ANGPT2: variants seen among roughly 807,000 people sequenced by gnomAD.
The protein encoded by ANGPT2 is angiopoietin-2.
Under a neutral mutation model 62.9 loss-of-function variants are expected in ANGPT2, and 28 were observed. The observed-to-expected ratio is 0.44, with a 90% confidence interval of 0.33 to 0.61. ANGPT2 has a LOEUF of 0.61. Ranked by LOEUF, ANGPT2 falls within the 20% of genes least tolerant of loss-of-function variation. The probability of loss-of-function intolerance (pLI) is 0.03; values close to 1 mark genes in which losing one functional copy is unlikely to be tolerated. For missense variants in ANGPT2, 727 were observed against 594.9 expected (o/e 1.22, Z -2.31); for synonymous variants, 284 against 207.8 (o/e 1.37, Z -3.15).
At chr8:6,513,545 G>A in intron 7 of ANGPT2, 133 bp downstream of exon 7, 2 of 581,102 alleles carry the variant, frequency 3.4e-6, no homozygotes, top group Non-Finnish European at 5.5e-6. Flanking sequence ...TTGTTTGCCA[G>A]GATGGTCTCA....
chr8:6,531,214 C>T (rs1324365600), intron 2 of ANGPT2, among the ~76,000 whole-genome samples: 2 of 151,850 alleles, frequency 1.3e-5, no homozygotes, highest in Non-Finnish European at 2.9e-5. Flanking sequence ...CATCATTTAG[C>T]ATGTCTCTCG....
At chr8:6,503,811 G>A (rs1812681388) in intron 8 of ANGPT2, among the ~76,000 whole-genome samples, 1 of 152,206 alleles carries the variant, frequency 6.6e-6, no homozygotes, top group African/African-American at 2.4e-5. Flanking sequence ...CTCAGCTAAA[G>A]CCAGGGCAGG....
chr8:6,546,568 T>A (rs924243914), intron 1 of ANGPT2, among the ~76,000 whole-genome samples: 1 of 152,170 alleles, frequency 6.6e-6, no homozygotes, highest in African/African-American at 2.4e-5. Context: ...TATATGTATA[T>A]TGGTATTTTC....
intron 7 of ANGPT2, among the ~76,000 whole-genome samples, chr8:6,510,549 C>T (rs961929959): frequency 6.6e-5 from 10 of 152,202 alleles, no homozygotes; most frequent in Admixed American, 6.5e-4. Flanking sequence ...CACCTGCATG[C>T]ACACTGGATG....
chr8:6,553,092 G>A (rs768259695), intron 1 of ANGPT2, among the ~76,000 whole-genome samples: 11 of 151,996 alleles, frequency 7.2e-5, no homozygotes, highest in African/African-American at 2.7e-4. Context: ...TGTCAACTGC[G>A]GGCTCTGGGT....
chr8:6,529,491 GC>G (rs1819037487), intron 2 of ANGPT2, among the ~76,000 whole-genome samples: 1 of 138,038 alleles, frequency 7.2e-6, no homozygotes, highest in South Asian at 2.3e-4. Context: ...TCACTCTGTT[GC>G]CCAGGCTGCA....
intron 2 of ANGPT2, among the ~76,000 whole-genome samples, chr8:6,529,772 C>A (rs181557340): frequency 2.0e-5 from 3 of 151,846 alleles, no homozygotes; most frequent in Non-Finnish European, 2.9e-5. Flanking sequence ...GCTGGCTCAG[C>A]CATTTTCATG....
Position 6,505,349 on chromosome 8 carries a change from T to TG in ANGPT2, c.1328-2089_1328-2088insC, listed in dbSNP as rs1491322208. Among the ~76,000 whole-genome samples the TG allele has an allele frequency of 1.6e-3, 78 of 48,812 alleles. 2 individuals are homozygous for TG. The highest frequency in any genetic ancestry group is 9.5e-3 in the Admixed American group (47 of 4,944). The allele number at this position is 48,812 out of a possible 152,430, so 32.0% of individuals were successfully genotyped here. A position where few individuals can be genotyped will look rare whatever the true frequency, so the allele number is the denominator to read the frequency against. On this transcript the variant is annotated intron_variant, in intron 8 of 8. Coordinates refer to ENST00000629816, the MANE Select transcript of ANGPT2 (RefSeq NM_001118887.2). ...TATACATATAGAAAGAATATATATATTCTTTCTATATGTATATAGAATATA... is the reference window on the plus strand; with the variant it reads ...TATACATATAGAAAGAATATATATATGTCTTTCTATATGTATATAGAATATA...
intron 1 of ANGPT2, among the ~76,000 whole-genome samples, chr8:6,539,188 TG>T (rs1197712140): frequency 1.3e-5 from 2 of 152,186 alleles, no homozygotes; most frequent in Non-Finnish European, 2.9e-5. Flanking sequence ...CGCCAGAGCC[TG>T]GGGGGTAGGC....
At chr8:6,555,906 A>G (rs181579306) in intron 1 of ANGPT2, among the ~76,000 whole-genome samples, 112 of 152,268 alleles carry the variant, frequency 7.4e-4, no homozygotes, top group African/African-American at 2.7e-3. Context: ...TTGTTTTCCT[A>G]GCAGCTTCAG....
chr8:6,513,877 A>G (rs1422664141), intron 6 of ANGPT2, 33 bp from the exon 7 acceptor site: 2 of 1,571,424 alleles, frequency 1.3e-6, no homozygotes, highest in Non-Finnish European at 1.7e-6. Context: ...CAATTATTTC[A>G]TGTAATTTTT....
intron 2 of ANGPT2, among the ~76,000 whole-genome samples, chr8:6,531,299 T>TA (rs1819466121): frequency 6.6e-6 from 1 of 151,668 alleles, no homozygotes; most frequent in African/African-American, 2.4e-5. Context: ...CTTTCTTTTT[T>TA]TTTTTTTGAG....
chr8:6,516,659 G>C (rs1304158919), intron 5 of ANGPT2, among the ~76,000 whole-genome samples: 2 of 152,144 alleles, frequency 1.3e-5, no homozygotes, highest in African/African-American at 4.8e-5. Flanking sequence ...AAGCTACTTT[G>C]GTTTGAGGAT....
intron 1 of ANGPT2, among the ~76,000 whole-genome samples, chr8:6,541,765 G>C (rs1232455997): frequency 6.6e-6 from 1 of 152,040 alleles, no homozygotes; most frequent in African/African-American, 2.4e-5. Context: ...ATACTTTAGG[G>C]GGCCAAGGTA....
chr8:6,523,901 T>A (rs1817849543), intron 3 of ANGPT2, among the ~76,000 whole-genome samples: 1 of 151,836 alleles, frequency 6.6e-6, no homozygotes, highest in Non-Finnish European at 1.5e-5. Flanking sequence ...TTTTTTTTTT[T>A]TTTTAATAAG....
chr8:6,541,476 T>A (rs942439631), intron 1 of ANGPT2, among the ~76,000 whole-genome samples: 1 of 152,082 alleles, frequency 6.6e-6, no homozygotes, highest in Admixed American at 6.5e-5. Context: ...AGGGCAGGCC[T>A]GGAGACAGGA....
intron 1 of ANGPT2, among the ~76,000 whole-genome samples, chr8:6,537,019 T>C (rs576442110): frequency 4.7e-5 from 7 of 150,138 alleles, no homozygotes; most frequent in African/African-American, 1.5e-4. Flanking sequence ...CATCCTCCAC[T>C]GGCAGCACCA....
intron 1 of ANGPT2, among the ~76,000 whole-genome samples, chr8:6,545,172 G>A (rs565471360): frequency 1.1e-4 from 17 of 152,072 alleles, no homozygotes; most frequent in South Asian, 6.2e-4. Context: ...AATGTCTTCC[G>A]GGTGGGAGGG....
intron 1 of ANGPT2, among the ~76,000 whole-genome samples, chr8:6,562,046 A>G (rs1339277640): frequency 6.6e-6 from 1 of 152,236 alleles, no homozygotes; most frequent in African/African-American, 2.4e-5. Flanking sequence ...CCCTGTTTAC[A>G]GACGGCAAGC....
Sources: allele counts gnomAD v4.1 joint callset (sites outside exome capture counted in the v4.1 genomes callset), GRCh38; gene constraint gnomAD v4.1.1; transcripts MANE v1.5; gene names NCBI Gene and HGNC (gene_info 2026-07-23, HGNC 2026-07-21).